Variants in COL2A1 observed in about 807,000 individuals in gnomAD.
The protein encoded by COL2A1 is collagen alpha-1(II) chain.
Under a neutral mutation model 204.5 loss-of-function variants are expected in COL2A1, and 28 were observed. That is an observed-to-expected ratio of 0.14 (90% CI 0.10 to 0.19). The LOEUF (loss-of-function observed/expected upper bound fraction) is 0.19, where lower values mean the gene tolerates loss of function less well. COL2A1 is among the 10% of genes least tolerant of loss of function. The probability of loss-of-function intolerance (pLI) is 1.00; values close to 1 mark genes in which losing one functional copy is unlikely to be tolerated. For missense variants in COL2A1, 1,388 were observed against 2,027.5 expected (o/e 0.68, Z 6.06); for synonymous variants, 708 against 718.7 (o/e 0.99, Z 0.24).
At chr12:48,000,684 A>T (rs1301450564) in intron 1 of COL2A1, among the ~76,000 whole-genome samples, 1 of 152,242 alleles carries the variant, frequency 6.6e-6, no homozygotes, top group Non-Finnish European at 1.5e-5. Context: ...CAAAAATTGG[A>T]ATCTATAAGC....
intron 11 of COL2A1, among the ~76,000 whole-genome samples, chr12:47,994,948 C>T (rs564484921): frequency 6.6e-6 from 1 of 152,226 alleles, no homozygotes; most frequent in East Asian, 1.9e-4. Context: ...CTTTGTTTTT[C>T]CTTCTCTACA....
Position 47,977,984 on chromosome 12 carries a change from C to T in COL2A1, c.3111+26G>A, listed in dbSNP as rs58279970. On this transcript the variant is annotated intron_variant, in intron 44 of 53. Transcript: ENST00000380518. ...ACAGGGCCCCTCTCCCCAATCAGGG[C>T]CACCCCAGGGGGTCTCACTGCTCAC... The T allele has an allele frequency of 4.7e-3, 7,483 of 1,601,118 alleles. 348 individuals carry two copies. In the African/African-American group the frequency reaches 0.086, roughly 18 times the overall value.
intron 2 of COL2A1, 118 bp downstream of exon 2, chr12:47,999,801 A>G: frequency 2.3e-6 from 2 of 854,492 alleles, no homozygotes; most frequent in Non-Finnish European, 3.8e-6. Context: ...CCCAGCTACC[A>G]GGTCCCATGG....
intron 1 of COL2A1, chr12:48,000,913 G>A (rs1192456874): frequency 6.6e-6 from 1 of 152,304 alleles, no homozygotes; most frequent in Non-Finnish European, 1.5e-5. Context: ...TCCACCTGTA[G>A]CCCTGCCTGG....
At chr12:47,986,092 T>C (rs1939388392) in intron 23 of COL2A1, 127 bp from the exon 24 acceptor site, 2 of 947,858 alleles carry the variant, frequency 2.1e-6, no homozygotes, top group East Asian at 2.6e-5. Flanking sequence ...CCTGCAGGAT[T>C]CTCAGAGGTT....
Position 47,983,018 on chromosome 12 carries a change from TGGGGAAAGGAGCAGGA to T in COL2A1, c.2094+59_2095-73del, listed in dbSNP as rs1939182741. 2.5e-6 allele frequency: 4 copies of T among 1,602,668 alleles called. No individual in the cohort carries two copies. In the East Asian group the frequency reaches 9.0e-5, roughly 36 times the overall value. ...GAAGGTCCAGGGAGAAGCAGGGAGG[TGGGGAAAGGAGCAGGA>T]GCATAGGACCCAGGGCAGGCCCAAG... is the stretch of plus-strand genomic sequence containing the variant. On this transcript the variant is annotated intron_variant, in intron 32 of 53. Transcript: ENST00000380518.
chr12:48,005,655 G>A (rs74802509), upstream of COL2A1: 7,202 of 152,340 alleles, frequency 0.047, 232 homozygotes, highest in Non-Finnish European at 0.073. Context: ...CTTGGTCTCC[G>A]GTGCCTCCTT....
chr12:47,986,619 A>G (rs1329194835), intron 22 of COL2A1, among the ~76,000 whole-genome samples, 176 bp from the exon 23 acceptor site: 1 of 152,196 alleles, frequency 6.6e-6, no homozygotes, highest in African/African-American at 2.4e-5. Context: ...GAGAGGGGCT[A>G]AAGATCCAAC....
intron 16 of COL2A1, among the ~76,000 whole-genome samples, chr12:47,990,865 T>A (rs1592225742): frequency 6.6e-6 from 1 of 152,172 alleles, no homozygotes. Context: ...ACAGGCTGGG[T>A]GGAGCTGGGC....
chr12:47,998,325 A>G (rs1289871323), intron 3 of COL2A1, 90 bp downstream of exon 3: 17 of 1,528,324 alleles, frequency 1.1e-5, no homozygotes, highest in East Asian at 2.2e-5. Context: ...TGTCTAAAAA[A>G]TCACAGACTG....
rs41272041 is a variant in COL2A1 at position 47,977,614 on chromosome 12, C to T, written c.3151G>A (p.Ala1051Thr). 3.9e-4 allele frequency: 629 copies of T among 1,614,100 alleles called. No individual in the cohort carries two copies. The African/African-American group carries it at 7.1e-3, about 18-fold the overall frequency. The stretch of plus-strand genomic sequence containing the variant: ...CAGACACTCACCTTGACTCCAGCAG[C>T]GCCATCTCTGCCAGGGGGGCCATCA... ...GADGPPGRDGAAGVKGDRGET... is the reference protein window; with the variant it reads ...GADGPPGRDGTAGVKGDRGET... The change falls in exon 45 of 54, where the codon GCT (alanine) becomes ACT (threonine). Residue 1051 changes from alanine to threonine, a missense_variant. Ala to Thr is a moderately conservative substitution (Grantham distance 58). Transcript: ENST00000380518.
At chr12:47,998,465 A>C in intron 2 of COL2A1, 34 bp from the exon 3 acceptor site, 1 of 1,606,152 alleles carries the variant, frequency 6.2e-7, no homozygotes, top group Non-Finnish European at 8.5e-7. Context: ...AGAAGAAGGT[A>C]AGAATCTTGA....
chr12:47,979,600 G>A, intron 40 of COL2A1, 36 bp from the exon 41 acceptor site: 1 of 1,299,766 alleles, frequency 7.7e-7, no homozygotes, highest in Non-Finnish European at 1.0e-6. Flanking sequence ...AGAACCTCAA[G>A]CCCTCAGGAG....
At chr12:47,977,721 C>T (rs1938802987) in intron 44 of COL2A1, 68 bp from the exon 45 acceptor site, 2 of 1,540,030 alleles carry the variant, frequency 1.3e-6, no homozygotes, top group African/African-American at 1.4e-5. Context: ...GCTCCCCCAG[C>T]CCCTCTCAGA....
chr12:48,000,503 T>C (rs1029518082), intron 1 of COL2A1, among the ~76,000 whole-genome samples: 1 of 151,938 alleles, frequency 6.6e-6, no homozygotes, highest in African/African-American at 2.4e-5. Context: ...ATATTCTGAA[T>C]AGGAATTCTG....
At chr12:47,999,182 G>T (rs1437799859) in intron 2 of COL2A1, among the ~76,000 whole-genome samples, 1 of 152,166 alleles carries the variant, frequency 6.6e-6, no homozygotes, top group African/African-American at 2.4e-5. Flanking sequence ...CACTCACTCT[G>T]CAGGGAGATA....
chr12:48,004,584 A>C, upstream of COL2A1: 1 of 370,774 alleles, frequency 2.7e-6, no homozygotes, highest in Non-Finnish European at 4.9e-6. Context: ...CTGTAACCTG[A>C]ACCGCCCGCC....
At position 47,987,857 on chromosome 12, in the gene COL2A1, A is replaced by G. The variant is rs1007938754; in HGVS notation, c.1123-148T>C. 1.4e-6 allele frequency: 1 copy of G among 692,166 alleles called. No homozygotes were observed. Among genetic ancestry groups the G allele is most frequent in the Admixed American group, 2.1e-5 (1 of 46,902 alleles). The allele number at this position is 692,166 out of a possible 1,614,324, so 42.9% of individuals were successfully genotyped here. Reference sequence around the variant, plus strand: ...TGCACATGAACATGTGCGTTCACACACAGTTCACGCTGCCGTTTTTCTCCC... The same window carrying G: ...TGCACATGAACATGTGCGTTCACACGCAGTTCACGCTGCCGTTTTTCTCCC... On this transcript the variant is annotated intron_variant, in intron 18 of 53. Coordinates refer to ENST00000380518, the MANE Select transcript of COL2A1 (RefSeq NM_001844.5). This position sits in a 1 kb window ranked among gnomAD's most constrained non-coding sequence, Gnocchi z 4.1.
intron 40 of COL2A1, 110 bp downstream of exon 40, chr12:47,979,899 G>A (rs553601952): frequency 3.8e-5 from 39 of 1,026,736 alleles, no homozygotes; most frequent in Middle Eastern, 6.0e-4. Context: ...GGGGACCAAC[G>A]CAGGGCTGGG....
Sources: allele counts gnomAD v4.1 joint callset (sites outside exome capture counted in the v4.1 genomes callset), GRCh38; gene constraint gnomAD v4.1.1; non-coding constraint Gnocchi (gnomAD v3.1); transcripts MANE v1.5; gene names NCBI Gene and HGNC (gene_info 2026-07-23, HGNC 2026-07-21).